CBLB: variants seen among roughly 807,000 people sequenced by gnomAD.
The protein encoded by CBLB is Cbl proto-oncogene B, also known as E3 ubiquitin-protein ligase CBL-B.
CBLB carries 31 observed loss-of-function variants against 104.9 expected under a neutral mutation model. That is an observed-to-expected ratio of 0.30 (90% CI 0.22 to 0.40). The LOEUF is 0.40. Ranked by LOEUF, CBLB falls within the 10% of genes least tolerant of loss-of-function variation. The pLI, the probability that CBLB is intolerant of heterozygous loss-of-function variation, is 1.00. For synonymous variants in CBLB, 440 were observed against 422.6 expected, an observed-to-expected ratio of 1.04 and a Z score of -0.51; for missense variants, 1,062 against 1,214.6, an observed-to-expected ratio of 0.87 and a Z score of 1.87.
rs538905242 is a variant in CBLB, at chr3:105,656,402, A to C, written c.*2568T>G. 5.0e-6 allele frequency: 1 copy of C among 199,794 alleles called. No homozygotes were observed. The highest frequency in any genetic ancestry group is 2.3e-5 in the African/African-American group (1 of 43,558). 12.4% of individuals were successfully genotyped at this position (199,794 alleles called of 1,614,324 possible). Reference sequence around the variant, plus strand: ...CAACGAGCAGTCGCTTTTACAATAAAAAAAAATTTTTTTAGGTTTAATTTC... The same window carrying C: ...CAACGAGCAGTCGCTTTTACAATAACAAAAAATTTTTTTAGGTTTAATTTC... On this transcript the variant is annotated 3_prime_UTR_variant, in exon 19 of 19. Transcript: ENST00000394030.
intron 9 of CBLB, among the ~76,000 whole-genome samples, chr3:105,731,968 G>A (rs1473530939): frequency 6.6e-6 from 1 of 152,172 alleles, no homozygotes; most frequent in Non-Finnish European, 1.5e-5. Flanking sequence ...AGCCCTGCAT[G>A]GAGGCAGAGT....
At chr3:105,724,997 G>T (rs911222463) in intron 9 of CBLB, among the ~76,000 whole-genome samples, 1 of 151,976 alleles carries the variant, frequency 6.6e-6, no homozygotes, top group Non-Finnish European at 1.5e-5. Context: ...AGCATGTAGT[G>T]GTTTTTCAAT....
chr3:105,735,383 GA>G (rs1274615443), intron 8 of CBLB, among the ~76,000 whole-genome samples: 1 of 152,034 alleles, frequency 6.6e-6, no homozygotes, highest in Non-Finnish European at 1.5e-5. Flanking sequence ...TGAAATAATA[GA>G]TAAGTATTGA....
At position 105,678,503 on chromosome 3, in the gene CBLB, T is replaced by C; in HGVS notation, c.2497A>G (p.Ile833Val). The C allele has an allele frequency of 1.9e-6, 3 of 1,613,934 alleles. No homozygotes were observed. The highest frequency in any genetic ancestry group is 2.5e-6 in the Non-Finnish European group (3 of 1,179,866). ...PPPPPARHSLIEHSKPPGSSS... is the reference protein window; with the variant it reads ...PPPPPARHSLVEHSKPPGSSS... ...GAGCCAGGAGGTTTTGAATGTTCAA[T>C]GAGACTATGCCTTGCAGGAGGTGGG... The change falls in exon 17 of 19, where the codon ATT becomes GTT. Residue 833 changes from isoleucine (I) to valine (V), a missense_variant. Around this residue, in one of 2 missense-constraint regions of CBLB, gnomAD observed 605 missense variants for 582.6 expected, o/e 1.04. Coordinates refer to ENST00000394030, the MANE Select transcript of CBLB (RefSeq NM_170662.5).
intron 10 of CBLB, among the ~76,000 whole-genome samples, chr3:105,707,508 C>T (rs1388875267): frequency 1.3e-5 from 2 of 152,074 alleles, no homozygotes; most frequent in African/African-American, 4.8e-5. Context: ...GATAGTAATG[C>T]ATTATTCTTT....
rs2063372105 is a variant in CBLB at position 105,656,667 on chromosome 3, CTTT to C, written c.*2300_*2302del. ...CAGGTTTGCTATATCATCACTAGTC[CTTT>C]TTTAATTCTCACTGGAAATTTTCAA... is the stretch of plus-strand genomic sequence containing the variant. On this transcript the variant is annotated 3_prime_UTR_variant, in exon 19 of 19. Transcript: ENST00000394030. 7.1e-6 allele frequency: 1 copy of C among 140,582 alleles called. No individual in the cohort carries two copies. Among genetic ancestry groups the C allele is most frequent in the African/African-American group, 2.9e-5 (1 of 34,634 alleles). 8.7% of individuals were successfully genotyped at this position (140,582 alleles called of 1,614,324 possible).
Position 105,746,777 on chromosome 3 carries a change from C to T in CBLB, c.724-739G>A, listed in dbSNP as rs2076139889. Among the ~76,000 whole-genome samples, 4 of 152,320 alleles carry T rather than the reference C, an allele frequency of 2.6e-5. No homozygotes were observed. In the South Asian group the frequency reaches 8.3e-4, roughly 32 times the overall value. ...AACTTGCATGACTTGGCAAAGGTTA[C>T]ACATTAACCATAAGCTACATAAGGG... On this transcript the variant is annotated intron_variant, in intron 5 of 18. Transcript: ENST00000394030.
intron 17 of CBLB, among the ~76,000 whole-genome samples, chr3:105,676,849 T>C (rs925032319): frequency 6.6e-6 from 1 of 152,152 alleles, no homozygotes. Context: ...TGAGTGCTCA[T>C]GAGATCTGGT....
chr3:105,819,348 G>C (rs1049567559), intron 3 of CBLB, among the ~76,000 whole-genome samples: 1 of 152,066 alleles, frequency 6.6e-6, no homozygotes, highest in Non-Finnish European at 1.5e-5. Flanking sequence ...TTAGCCAGGC[G>C]TGGTGGCACA....
Position 105,747,932 on chromosome 3 carries a change from C to T in CBLB, c.724-1894G>A, listed in dbSNP as rs192465644. Among the ~76,000 whole-genome samples, 316 of 152,296 alleles carry T rather than the reference C, an allele frequency of 2.1e-3. 1 individual carries two copies. The highest frequency in any genetic ancestry group is 3.8e-3 in the Non-Finnish European group (260 of 68,016). The stretch of plus-strand genomic sequence containing the variant: ...AGTATTCAGCAACCATTTCTTAGTA[C>T]ATAATCCAGAGGGCCAGCTTCTAAT... On this transcript the variant is annotated intron_variant, in intron 5 of 18. Coordinates refer to ENST00000394030, the MANE Select transcript of CBLB (RefSeq NM_170662.5).
intron 4 of CBLB, among the ~76,000 whole-genome samples, chr3:105,759,979 G>A (rs1313734235): frequency 1.3e-5 from 2 of 152,188 alleles, no homozygotes; most frequent in African/African-American, 4.8e-5. Flanking sequence ...TTACTTCTCT[G>A]TATAGTGGAC....
chr3:105,687,929 A>G (rs2067210257), intron 13 of CBLB, among the ~76,000 whole-genome samples: 1 of 152,078 alleles, frequency 6.6e-6, no homozygotes, highest in African/African-American at 2.4e-5. Context: ...GTAACTAATT[A>G]TACCATCTGG....
chr3:105,753,529 A>C (rs1197482117), intron 4 of CBLB, among the ~76,000 whole-genome samples: 1 of 152,190 alleles, frequency 6.6e-6, no homozygotes, highest in African/African-American at 2.4e-5. Flanking sequence ...TCAAATACTC[A>C]ACACACAAAA....
chr3:105,862,174 T>C (rs868720981), intron 2 of CBLB, among the ~76,000 whole-genome samples: 40 of 152,352 alleles, frequency 2.6e-4, no homozygotes, highest in African/African-American at 8.9e-4. Context: ...CTGACAGTTA[T>C]ATAGCTTGAA....
At chr3:105,736,551 A>G (rs2074965987) in intron 8 of CBLB, among the ~76,000 whole-genome samples, 1 of 152,168 alleles carries the variant, frequency 6.6e-6, no homozygotes, top group African/African-American at 2.4e-5. Context: ...ATCTATTACT[A>G]AAGTTCTTAG....
At chr3:105,832,279 A>T (rs887998856) in intron 3 of CBLB, among the ~76,000 whole-genome samples, 2 of 152,204 alleles carry the variant, frequency 1.3e-5, no homozygotes, top group African/African-American at 4.8e-5. Context: ...ATATAACATG[A>T]ATCAGGATAA....
intron 3 of CBLB, among the ~76,000 whole-genome samples, chr3:105,837,377 A>G (rs2088707523): frequency 6.6e-6 from 1 of 152,244 alleles, no homozygotes; most frequent in South Asian, 2.1e-4. Flanking sequence ...CTGTGTATTC[A>G]GGGTCATAAG....
rs956574442 is a variant in CBLB, at chr3:105,678,082, C to T, written c.2569+349G>A. Among the ~76,000 whole-genome samples the T allele has an allele frequency of 6.6e-5, 10 of 152,048 alleles. 1 individual carries two copies. The highest frequency in any genetic ancestry group is 4.1e-4 in the South Asian group (2 of 4,822). On this transcript the variant is annotated intron_variant, in intron 17 of 18. Coordinates refer to ENST00000394030, the MANE Select transcript of CBLB (RefSeq NM_170662.5). Reference sequence around the variant, plus strand: ...TATTAAAAAACATTGCATTGGGAATCGGAAGACAAAGTCTAAATATTGTTC... The same window carrying T: ...TATTAAAAAACATTGCATTGGGAATTGGAAGACAAAGTCTAAATATTGTTC...
intron 3 of CBLB, among the ~76,000 whole-genome samples, chr3:105,806,597 T>C (rs1004684900): frequency 6.6e-6 from 1 of 151,324 alleles, no homozygotes; most frequent in African/African-American, 2.4e-5. Flanking sequence ...CTTTGCCAAA[T>C]AGCTGGCTGA....
Sources: allele counts gnomAD v4.1 joint callset (sites outside exome capture counted in the v4.1 genomes callset), GRCh38; gene constraint gnomAD v4.1.1; regional missense constraint gnomAD v4.1.1; transcripts MANE v1.5; gene names NCBI Gene and HGNC (gene_info 2026-07-23, HGNC 2026-07-21).